STK24: variants seen among roughly 807,000 people sequenced by gnomAD.
The protein encoded by STK24 is serine/threonine-protein kinase 24.
Under a neutral mutation model 55.6 loss-of-function variants are expected in STK24, and 21 were observed. The observed-to-expected ratio is 0.38, with a 90% CI of 0.27 to 0.54. STK24 has a LOEUF of 0.54. Ranked by LOEUF, STK24 falls within the 20% of genes least tolerant of loss-of-function variation. STK24 has a pLI of 0.79. For missense variants in STK24, 383 were observed against 538.4 expected, an observed-to-expected ratio of 0.71 and a Z score of 2.86; for synonymous variants, 200 against 215.2, an observed-to-expected ratio of 0.93 and a Z score of 0.62.
Position 98,509,305 on chromosome 13 carries a change from A to G in STK24, c.273+9938T>C, listed in dbSNP as rs1895797144. Among the ~76,000 whole-genome samples, 4 of 152,222 alleles carry G rather than the reference A, an allele frequency of 2.6e-5. No homozygotes were observed. In the South Asian group the frequency reaches 8.3e-4, roughly 32 times the overall value. On this transcript the variant is annotated intron_variant, in intron 2 of 10. Coordinates refer to ENST00000539966, the MANE Select transcript of STK24 (RefSeq NM_001032296.4). ...AAAGTTTTATAGTATCAATGTTGCCAAGAACGTAGACAAACCATGCTCAAC... is the reference window on the plus strand; with the variant it reads ...AAAGTTTTATAGTATCAATGTTGCCGAGAACGTAGACAAACCATGCTCAAC...
At chr13:98,520,724 C>T (rs1400497284) in intron 1 of STK24, among the ~76,000 whole-genome samples, 3 of 152,230 alleles carry the variant, frequency 2.0e-5, no homozygotes, top group Admixed American at 1.3e-4. Flanking sequence ...CACTGAGTTC[C>T]GAGCAGCTGC....
rs780995828 is a variant in STK24 at position 98,446,209 on chromosome 13, A to C, written c.*6964T>G. Reference sequence around the variant, plus strand: ...GTTCTTCTACAAATCACACCAGGTAAGTGTCTCGCACAGGGCAGGTGGCCC... The same window carrying C: ...GTTCTTCTACAAATCACACCAGGTACGTGTCTCGCACAGGGCAGGTGGCCC... On this transcript the variant is annotated 3_prime_UTR_variant, in exon 11 of 11. Transcript: ENST00000539966. 3 of 1,601,506 alleles carry C rather than the reference A, an allele frequency of 1.9e-6. No homozygotes were observed. The highest frequency in any genetic ancestry group is 2.2e-5 in the South Asian group (2 of 90,682).
intron 1 of STK24, among the ~76,000 whole-genome samples, chr13:98,565,602 A>G (rs117907741): frequency 0.052 from 7,810 of 149,672 alleles, 271 homozygotes; most frequent in South Asian, 0.11. Flanking sequence ...ATTGCACTCC[A>G]GTCTGGGCAC....
intron 1 of STK24, among the ~76,000 whole-genome samples, chr13:98,526,145 CT>C (rs1440041621): frequency 1.3e-5 from 2 of 152,116 alleles, no homozygotes; most frequent in Non-Finnish European, 2.9e-5. Flanking sequence ...TCCGTCTTTG[CT>C]TTTTCTGGTT....
At chr13:98,492,391 G>A (rs1182586182) in intron 2 of STK24, among the ~76,000 whole-genome samples, 3 of 152,136 alleles carry the variant, frequency 2.0e-5, no homozygotes, top group Non-Finnish European at 4.4e-5. Flanking sequence ...GGCCCAAAGA[G>A]GGCCCTTTCT....
At chr13:98,509,401 A>G (rs1444068124) in intron 2 of STK24, among the ~76,000 whole-genome samples, 2 of 152,172 alleles carry the variant, frequency 1.3e-5, no homozygotes, top group Non-Finnish European at 2.9e-5. Context: ...CACAATTTTA[A>G]AAAAACAAAC....
intron 1 of STK24, chr13:98,576,257 C>T: frequency 3.1e-6 from 3 of 977,592 alleles, no homozygotes; most frequent in Non-Finnish European, 3.6e-6. Context: ...AGTCCAGGCG[C>T]GCTCCCCGTC....
At chr13:98,575,005 T>C (rs897392625) in intron 1 of STK24, among the ~76,000 whole-genome samples, 3 of 152,188 alleles carry the variant, frequency 2.0e-5, no homozygotes, top group South Asian at 2.1e-4. Context: ...AGTGAGGCAT[T>C]TGTGCTAGAT....
In STK24 at chr13:98,453,145, A is replaced by C; in HGVS notation, c.*28T>G. ...GGAGGATGAAGAAGGAAAAAAGGAA[A>C]AACAAAACCCCAAATGCCAAAGGAA... On this transcript the variant is annotated 3_prime_UTR_variant, in exon 11 of 11. Coordinates refer to ENST00000539966, the MANE Select transcript of STK24 (RefSeq NM_001032296.4). 1.2e-6 allele frequency: 2 copies of C among 1,613,516 alleles called. No homozygotes were observed. The highest frequency in any genetic ancestry group is 2.2e-5 in the South Asian group (2 of 91,024).
chr13:98,505,135 G>A (rs1161902588), intron 2 of STK24: 1 of 152,242 alleles, frequency 6.6e-6, no homozygotes, highest in Non-Finnish European at 1.5e-5. Context: ...GTCAGCCTCT[G>A]AACGGGATCT....
intron 3 of STK24, among the ~76,000 whole-genome samples, chr13:98,478,467 G>T (rs2139295745): frequency 6.6e-6 from 1 of 152,348 alleles, no homozygotes; most frequent in Middle Eastern, 3.4e-3. Context: ...TGAAGCACTG[G>T]CAGTGGGAGA....
At chr13:98,530,104 TACACACACAC>T (rs1441874768) in intron 1 of STK24, among the ~76,000 whole-genome samples, 4 of 45,732 alleles carry the variant, frequency 8.7e-5, no homozygotes, top group East Asian at 3.6e-4. Flanking sequence ...CACACAGATA[TACACACACAC>T]ACGCACACAC....
chr13:98,561,550 CCA>C (rs1491332234), intron 1 of STK24, among the ~76,000 whole-genome samples: 39,351 of 151,806 alleles, frequency 0.26, 5,976 homozygotes, highest in East Asian at 0.41. Context: ...TCACTGTACT[CCA>C]GCTAGGGCAA....
intron 2 of STK24, among the ~76,000 whole-genome samples, chr13:98,497,991 G>A (rs988937311): frequency 1.3e-5 from 2 of 152,182 alleles, no homozygotes; most frequent in South Asian, 2.1e-4. Context: ...ACCTATTTTG[G>A]TACCAAGAGT....
intron 2 of STK24, among the ~76,000 whole-genome samples, chr13:98,483,793 T>C (rs1894696528): frequency 6.6e-6 from 1 of 152,174 alleles, no homozygotes; most frequent in Non-Finnish European, 1.5e-5. Context: ...GAAGAGTAAC[T>C]CGTGTTGACT....
intron 2 of STK24, 100 bp downstream of exon 2, chr13:98,519,143 G>T: frequency 1.1e-6 from 1 of 938,898 alleles, no homozygotes. Context: ...TCCTTGCTCT[G>T]AAACCTGCTG....
At chr13:98,471,844 G>A (rs1451244158) in intron 5 of STK24, among the ~76,000 whole-genome samples, 2 of 152,302 alleles carry the variant, frequency 1.3e-5, no homozygotes, top group East Asian at 3.9e-4. Flanking sequence ...TGTGAACCTA[G>A]GTGTGACTTG....
At chr13:98,547,898 T>C (rs1897065776) in intron 1 of STK24, among the ~76,000 whole-genome samples, 1 of 152,200 alleles carries the variant, frequency 6.6e-6, no homozygotes, top group Non-Finnish European at 1.5e-5. Context: ...CACACTGTAG[T>C]TCTTATCCAC....
intron 2 of STK24, among the ~76,000 whole-genome samples, chr13:98,512,530 A>T (rs545837032): frequency 2.8e-4 from 42 of 152,088 alleles, no homozygotes; most frequent in Admixed American, 5.9e-4. Context: ...GTCTACCGAG[A>T]AACAAAAACA....
Sources: allele counts gnomAD v4.1 joint callset (sites outside exome capture counted in the v4.1 genomes callset), GRCh38; gene constraint gnomAD v4.1.1; transcripts MANE v1.5; gene names NCBI Gene and HGNC (gene_info 2026-07-23, HGNC 2026-07-21).